Variants in CLDN16 observed in about 807,000 individuals in gnomAD.
CLDN16 encodes the protein claudin-16.
In CLDN16, 13 loss-of-function variants were observed where a neutral mutation model predicts 24.6. That is an observed-to-expected ratio of 0.53 (90% CI 0.34 to 0.84). The LOEUF (loss-of-function observed/expected upper bound fraction) is 0.84. Among genes scored for constraint, CLDN16 ranks in the 40% least tolerant of loss-of-function variants. CLDN16 has a pLI of 0.01. For missense variants in CLDN16, 298 were observed against 292.7 expected (o/e 1.02, Z -0.13); for synonymous variants, 116 against 106.7 (o/e 1.09, Z -0.54).
chr3:190,385,842 T>C (rs1226505696), upstream of CLDN16, among the ~76,000 whole-genome samples: 1 of 152,170 alleles, frequency 6.6e-6, no homozygotes, highest in Non-Finnish European at 1.5e-5. Context: ...AACTCATCTC[T>C]CAAAGTATGG....
At chr3:190,334,986 T>C (rs1034541063) in intron 1 of CLDN16, among the ~76,000 whole-genome samples, 2 of 151,872 alleles carry the variant, frequency 1.3e-5, no homozygotes, top group African/African-American at 4.8e-5. Flanking sequence ...ATTTTTCTTT[T>C]CTTTTCTTTT....
intron 3 of CLDN16, among the ~76,000 whole-genome samples, chr3:190,375,074 T>C (rs1718219367): frequency 6.6e-6 from 1 of 151,960 alleles, no homozygotes; most frequent in African/African-American, 2.4e-5. Flanking sequence ...GGAATTATCT[T>C]TTTATTTGTC....
chr3:190,298,763 A>T, the CLDN16 span, among the ~76,000 whole-genome samples: 1 of 152,140 alleles, frequency 6.6e-6, no homozygotes, highest in East Asian at 1.9e-4. Context: ...TTTCTAAGAA[A>T]ATATTCATTT....
the CLDN16 span, among the ~76,000 whole-genome samples, chr3:190,314,295 T>C: frequency 1.3e-5 from 2 of 152,234 alleles, no homozygotes; most frequent in Non-Finnish European, 2.9e-5. Context: ...TCACCAATCA[T>C]AATTGAAGCT....
At chr3:190,328,707 A>G (rs907198869) in intron 1 of CLDN16, among the ~76,000 whole-genome samples, 2 of 152,202 alleles carry the variant, frequency 1.3e-5, no homozygotes, top group Admixed American at 6.5e-5. Context: ...ATATATAAAT[A>G]TAGAGCAGTG....
intron 1 of CLDN16, among the ~76,000 whole-genome samples, chr3:190,398,348 A>G (rs1253980895): frequency 1.3e-5 from 2 of 152,216 alleles, no homozygotes; most frequent in African/African-American, 4.8e-5. Context: ...GTTCTGGAAG[A>G]ATCCGTTCTT....
At chr3:190,313,108 T>C in the CLDN16 span, 2 of 1,545,482 alleles carry the variant, frequency 1.3e-6, no homozygotes, top group African/African-American at 1.4e-5. Context: ...GAAGACCAAG[T>C]ATATGTCACT....
At chr3:190,385,578 T>TG (rs559475778), upstream of CLDN16, among the ~76,000 whole-genome samples, 139 of 151,964 alleles carry the variant, frequency 9.1e-4, no homozygotes, top group African/African-American at 3.2e-3. Flanking sequence ...AGATTTTTTT[T>TG]TTTGTGAAAG....
chr3:190,391,681 TG>T (rs1368470773), intron 1 of CLDN16, among the ~76,000 whole-genome samples: 1 of 152,102 alleles, frequency 6.6e-6, no homozygotes, highest in Non-Finnish European at 1.5e-5. Flanking sequence ...AGGACTAAAG[TG>T]GGCAACACAA....
intron 1 of CLDN16, among the ~76,000 whole-genome samples, chr3:190,399,242 G>T (rs867121634): frequency 6.6e-6 from 1 of 152,206 alleles, no homozygotes. Context: ...GGTGCCTCAC[G>T]CCTGTAATCC....
the CLDN16 span, chr3:190,308,115 CA>C: frequency 2.5e-6 from 2 of 800,650 alleles, no homozygotes; most frequent in Non-Finnish European, 4.2e-6. Context: ...CCATGTTTAG[CA>C]CTGAGTATTT....
At chr3:190,389,290 T>C (rs1718589001) in intron 1 of CLDN16, among the ~76,000 whole-genome samples, 1 of 152,126 alleles carries the variant, frequency 6.6e-6, no homozygotes, top group African/African-American at 2.4e-5. Flanking sequence ...GAAACAATAT[T>C]TCAAGAGCTC....
chr3:190,350,186 A>G (rs1184005115), intron 1 of CLDN16, among the ~76,000 whole-genome samples: 1 of 151,962 alleles, frequency 6.6e-6, no homozygotes, highest in East Asian at 1.9e-4. Flanking sequence ...CAGTAGAAAT[A>G]TTTTCAAATT....
upstream of CLDN16, among the ~76,000 whole-genome samples, chr3:190,321,219 T>C (rs1025718342): frequency 1.3e-5 from 2 of 152,192 alleles, no homozygotes; most frequent in Admixed American, 6.5e-5. Flanking sequence ...ACTTTTTTCT[T>C]TGTATTATGT....
chr3:190,340,061 G>A (rs1417953553), intron 1 of CLDN16, among the ~76,000 whole-genome samples: 1 of 152,112 alleles, frequency 6.6e-6, no homozygotes, highest in Non-Finnish European at 1.5e-5. Context: ...AAGTCAAAAA[G>A]CCACATGATC....
intron 3 of CLDN16, among the ~76,000 whole-genome samples, chr3:190,378,160 A>T (rs1372163926): frequency 6.6e-6 from 1 of 151,992 alleles, no homozygotes; most frequent in East Asian, 1.9e-4. Flanking sequence ...CTCTTATATA[A>T]TTATTATTAC....
intron 1 of CLDN16, among the ~76,000 whole-genome samples, chr3:190,338,539 A>C (rs1717361170): frequency 6.6e-6 from 1 of 152,186 alleles, no homozygotes; most frequent in South Asian, 2.1e-4. Context: ...AGTGCGTGGT[A>C]ACTAGGGAAT....
At chr3:190,302,781 T>A in the CLDN16 span, among the ~76,000 whole-genome samples, 26,021 of 106,030 alleles carry the variant, frequency 0.25, 3,453 homozygotes, top group African/African-American at 0.47. Flanking sequence ...CAAAAAAAAA[T>A]ATATATATAT....
chr3:190,392,899 G>A (rs1264574342), intron 1 of CLDN16, among the ~76,000 whole-genome samples: 1 of 152,174 alleles, frequency 6.6e-6, no homozygotes, highest in Non-Finnish European at 1.5e-5. Context: ...TAAGCAATAT[G>A]TACATGTATT....
Sources: allele counts gnomAD v4.1 joint callset (sites outside exome capture counted in the v4.1 genomes callset), GRCh38; gene constraint gnomAD v4.1.1; transcripts MANE v1.5; gene names NCBI Gene and HGNC (gene_info 2026-07-23, HGNC 2026-07-21).